TEX10: variants seen among roughly 807,000 people sequenced by gnomAD.
TEX10 encodes testis expressed 10.
Under a neutral mutation model 104.4 loss-of-function variants are expected in TEX10, and 24 were observed. The observed-to-expected ratio is 0.23, with a 90% CI of 0.17 to 0.32. The LOEUF (loss-of-function observed/expected upper bound fraction) is 0.32, where lower values mean the gene tolerates loss of function less well. TEX10 is among the 10% of genes least tolerant of loss of function. TEX10 has a pLI of 1.00. For missense variants in TEX10, 921 were observed against 1,083.9 expected, an observed-to-expected ratio of 0.85 and a Z score of 2.11; for synonymous variants, 396 against 393.4, an observed-to-expected ratio of 1.01 and a Z score of -0.08.
chr9:100,352,358 G>C lies in TEX10; in HGVS notation c.-10+414C>G, dbSNP rs1454090539. 7 of 1,551,214 alleles carry C rather than the reference G, an allele frequency of 4.5e-6. No individual in the cohort carries two copies. The African/African-American group carries it at 9.6e-5, about 21-fold the overall frequency. On this transcript the variant is annotated intron_variant, in intron 1 of 14. Transcript: ENST00000374902. ...CCTGGGCGACCAGAGGACGGAACAG[G>C]GGACGCCAGCTCATCCCCACTCCGT...
intron 11 of TEX10, among the ~76,000 whole-genome samples, chr9:100,312,881 T>C (rs141188203): frequency 2.0e-4 from 31 of 152,284 alleles, no homozygotes; most frequent in Non-Finnish European, 4.3e-4. Context: ...GAGGATGTCA[T>C]TGGCATGACC....
chr9:100,344,797 G>A (rs1479840093), intron 4 of TEX10, among the ~76,000 whole-genome samples: 1 of 152,200 alleles, frequency 6.6e-6, no homozygotes, highest in East Asian at 1.9e-4. Context: ...AGTGAGCCAA[G>A]ATCGTGCCAC....
intron 11 of TEX10, among the ~76,000 whole-genome samples, chr9:100,313,533 A>G (rs1226491407): frequency 6.6e-5 from 10 of 151,190 alleles, no homozygotes; most frequent in African/African-American, 2.2e-4. Flanking sequence ...AAAAAGAAAA[A>G]GAAAAAGAAA....
intron 1 of TEX10, chr9:100,352,408 G>A (rs552115750): frequency 1.3e-6 from 2 of 1,551,752 alleles, no homozygotes; most frequent in East Asian, 4.9e-5. Context: ...CCATCCCAGA[G>A]GCGAACACAC....
rs755270763 is a variant in TEX10, at chr9:100,347,130, T to C, written c.457A>G (p.Thr153Ala). 3 of 1,614,168 alleles carry C rather than the reference T, an allele frequency of 1.9e-6. No homozygotes were observed. In the South Asian group the frequency reaches 3.3e-5, roughly 18 times the overall value. ...AAAGAGTCCTCCTGAATTCCTTCAG[T>C]AATGTGAGTCATGGCACTAGAGAGA... ...AHLSSAMTHI[T>A]EGIQEDSLKV... Residue 153 changes from threonine to alanine, a missense_variant, in exon 3 of 15, where the codon ACT becomes GCT. Physicochemically the swap from Thr to Ala is moderately conservative, Grantham distance 58. Around this residue, in one of 3 missense-constraint regions of TEX10, gnomAD observed 50 missense variants for 104.2 expected, o/e 0.48. Transcript: ENST00000374902.
intron 4 of TEX10, among the ~76,000 whole-genome samples, chr9:100,342,641 T>C (rs1257549206): frequency 6.6e-6 from 1 of 152,166 alleles, no homozygotes; most frequent in Non-Finnish European, 1.5e-5. Context: ...ATGACTGCAT[T>C]AGTGTTTGGT....
intron 11 of TEX10, among the ~76,000 whole-genome samples, chr9:100,316,454 T>A (rs898400920): frequency 1.3e-5 from 2 of 152,154 alleles, no homozygotes; most frequent in Non-Finnish European, 2.9e-5. Flanking sequence ...AAAGATTTCT[T>A]GTAAGAAATG....
intron 10 of TEX10, 118 bp from the exon 11 acceptor site, chr9:100,320,516 T>TCTG: frequency 9.1e-7 from 1 of 1,098,796 alleles, no homozygotes; most frequent in Non-Finnish European, 1.3e-6. Context: ...CTACCTTGTT[T>TCTG]TCTCTGAGCT....
chr9:100,324,040 CT>C (rs999498914), intron 9 of TEX10, among the ~76,000 whole-genome samples: 1 of 151,178 alleles, frequency 6.6e-6, no homozygotes, highest in African/African-American at 2.4e-5. Context: ...AACCGTCAGT[CT>C]TTTTTTTTAA....
Position 100,302,837 on chromosome 9 carries a change from T to C in TEX10, c.2677-533A>G, listed in dbSNP as rs537101787. Among the ~76,000 whole-genome samples, 4 of 152,294 alleles carry C rather than the reference T, an allele frequency of 2.6e-5. No homozygotes were observed. In the East Asian group the frequency reaches 5.8e-4, roughly 22 times the overall value. ...AAAATACTAATGAGCACCTGTGTTA[T>C]ATGCATGTAAAAGCACTATTACTTC... On this transcript the variant is annotated intron_variant, in intron 14 of 14. Transcript: ENST00000374902.
At chr9:100,316,260 T>G (rs992328135) in intron 11 of TEX10, among the ~76,000 whole-genome samples, 2 of 152,062 alleles carry the variant, frequency 1.3e-5, no homozygotes, top group Non-Finnish European at 2.9e-5. Flanking sequence ...ATAAACAGAA[T>G]TAAGGACAAA....
intron 1 of TEX10, 119 bp downstream of exon 1, chr9:100,352,653 G>A (rs1204504488): frequency 2.1e-6 from 3 of 1,430,852 alleles, no homozygotes; most frequent in East Asian, 2.6e-5. Context: ...AGACCCGGGG[G>A]ACGCAAATCG....
At chr9:100,332,373 T>C (rs1225460720) in intron 5 of TEX10, among the ~76,000 whole-genome samples, 2 of 152,232 alleles carry the variant, frequency 1.3e-5, no homozygotes, top group African/African-American at 2.4e-5. Flanking sequence ...AAAGTCTCAA[T>C]GGACATCTGC....
At chr9:100,316,190 T>G (rs1372759221) in intron 11 of TEX10, among the ~76,000 whole-genome samples, 1 of 152,210 alleles carries the variant, frequency 6.6e-6, no homozygotes, top group Non-Finnish European at 1.5e-5. Flanking sequence ...GACGCAGGTT[T>G]CTATCTCAGG....
At chr9:100,316,907 A>AG (rs1834432968) in intron 11 of TEX10, among the ~76,000 whole-genome samples, 1 of 149,546 alleles carries the variant, frequency 6.7e-6, no homozygotes, top group Non-Finnish European at 1.5e-5. Flanking sequence ...AAAAAAAAAA[A>AG]AAAAAAAAAC....
intron 1 of TEX10, among the ~76,000 whole-genome samples, chr9:100,351,756 CA>C (rs1835456545): frequency 6.6e-6 from 1 of 152,194 alleles, no homozygotes; most frequent in African/African-American, 2.4e-5. Flanking sequence ...CTTGACTTTT[CA>C]AACCTAGTAA....
intron 7 of TEX10, 57 bp downstream of exon 7, chr9:100,329,083 T>TAA: frequency 6.8e-7 from 1 of 1,480,270 alleles, no homozygotes; most frequent in Non-Finnish European, 9.1e-7. Context: ...TTTAAATACT[T>TAA]AGACTACAGA....
intron 5 of TEX10, among the ~76,000 whole-genome samples, chr9:100,339,547 C>G (rs1387377959): frequency 1.3e-5 from 2 of 151,610 alleles, no homozygotes; most frequent in Non-Finnish European, 1.5e-5. Context: ...CAAGCATATT[C>G]TCTGAACCCT....
intron 4 of TEX10, among the ~76,000 whole-genome samples, chr9:100,341,699 C>G (rs1190970594): frequency 6.6e-6 from 1 of 152,114 alleles, no homozygotes; most frequent in East Asian, 1.9e-4. Flanking sequence ...AGTCAATTCC[C>G]CACACAGCAG....
Sources: allele counts gnomAD v4.1 joint callset (sites outside exome capture counted in the v4.1 genomes callset), GRCh38; gene constraint gnomAD v4.1.1; regional missense constraint gnomAD v4.1.1; transcripts MANE v1.5; gene names NCBI Gene and HGNC (gene_info 2026-07-23, HGNC 2026-07-21).